The following EXOC6B variants were observed in gnomAD, a reference collection of about 807,000 sequenced individuals.
EXOC6B encodes the protein SEC15 homolog B.
EXOC6B carries 54 observed loss-of-function variants against 113.5 expected under a neutral mutation model. The ratio of observed to expected loss-of-function variants is 0.48; its 90% CI spans 0.38 to 0.60. The LOEUF is 0.60. EXOC6B is among the 20% of genes least tolerant of loss of function. The pLI is 0.00. For synonymous variants in EXOC6B, 357 were observed against 339.0 expected (o/e 1.05, Z -0.58); for missense variants, 797 against 977.5 (o/e 0.82, Z 2.46).
chr2:72,455,061 C>T (rs539661056), intron 18 of EXOC6B, among the ~76,000 whole-genome samples: 7 of 148,512 alleles, frequency 4.7e-5, no homozygotes, highest in South Asian at 2.1e-4. Flanking sequence ...TCAGGGAAAA[C>T]GAAAAAAAAA....
At chr2:72,392,657 A>G (rs1180583912) in intron 18 of EXOC6B, among the ~76,000 whole-genome samples, 1 of 152,204 alleles carries the variant, frequency 6.6e-6, no homozygotes, top group Non-Finnish European at 1.5e-5. Flanking sequence ...TGTGGCATAC[A>G]TTGCAGATAA....
At chr2:72,707,677 G>A (rs1678977929) in intron 6 of EXOC6B, among the ~76,000 whole-genome samples, 1 of 152,110 alleles carries the variant, frequency 6.6e-6, no homozygotes, top group Non-Finnish European at 1.5e-5. Context: ...CTCCCAAAGT[G>A]CTGGGATTAC....
At chr2:72,440,447 G>A (rs1696134078) in intron 18 of EXOC6B, among the ~76,000 whole-genome samples, 1 of 151,930 alleles carries the variant, frequency 6.6e-6, no homozygotes, top group Non-Finnish European at 1.5e-5. Flanking sequence ...ACTAAGTGAA[G>A]GAGAAATAAG....
chr2:72,724,542 A>G (rs1680194056), intron 5 of EXOC6B, among the ~76,000 whole-genome samples: 1 of 152,180 alleles, frequency 6.6e-6, no homozygotes, highest in Admixed American at 6.5e-5. Flanking sequence ...AATGTTCATT[A>G]ATCAATCAAA....
At chr2:72,336,291 T>C (rs1688686675) in intron 19 of EXOC6B, among the ~76,000 whole-genome samples, 1 of 152,204 alleles carries the variant, frequency 6.6e-6, no homozygotes, top group Admixed American at 6.5e-5. Context: ...GAAAATTACT[T>C]CCAACAACTA....
At chr2:72,386,732 C>T (rs1182818704) in intron 18 of EXOC6B, among the ~76,000 whole-genome samples, 1 of 152,036 alleles carries the variant, frequency 6.6e-6, no homozygotes, top group Admixed American at 6.6e-5. Flanking sequence ...CTGCTCTTGC[C>T]TAACACACAG....
chr2:72,359,772 T>G (rs907919298), intron 19 of EXOC6B, among the ~76,000 whole-genome samples: 5 of 152,274 alleles, frequency 3.3e-5, no homozygotes, highest in Non-Finnish European at 5.9e-5. Context: ...CGTTGAAACA[T>G]GATTCTCAAT....
intron 1 of EXOC6B, among the ~76,000 whole-genome samples, chr2:72,754,056 G>C (rs1458957008): frequency 6.6e-6 from 1 of 152,072 alleles, no homozygotes; most frequent in Non-Finnish European, 1.5e-5. Flanking sequence ...ACCATGCCTA[G>C]CTCATTTTTT....
At chr2:72,455,088 T>A (rs1697139151) in intron 18 of EXOC6B, among the ~76,000 whole-genome samples, 1 of 152,140 alleles carries the variant, frequency 6.6e-6, no homozygotes, top group Non-Finnish European at 1.5e-5. Flanking sequence ...GAATCTTGGA[T>A]CTACCTATGT....
chr2:72,688,096 G>A (rs1333607529), intron 6 of EXOC6B, among the ~76,000 whole-genome samples: 1 of 152,172 alleles, frequency 6.6e-6, no homozygotes, highest in East Asian at 1.9e-4. Context: ...TAGTATTAAA[G>A]GGAGGGAATG....
chr2:72,351,440 A>G (rs1689650192), intron 19 of EXOC6B, among the ~76,000 whole-genome samples: 1 of 152,188 alleles, frequency 6.6e-6, no homozygotes, highest in Non-Finnish European at 1.5e-5. Context: ...ACTTGTTTAC[A>G]AACACTGACT....
intron 6 of EXOC6B, among the ~76,000 whole-genome samples, chr2:72,712,863 T>G (rs1679360211): frequency 6.6e-6 from 1 of 152,172 alleles, no homozygotes; most frequent in South Asian, 2.1e-4. Context: ...TAAAGTTCTA[T>G]CTAAAGACCT....
intron 1 of EXOC6B, among the ~76,000 whole-genome samples, chr2:72,816,402 A>G (rs1686251766): frequency 6.6e-6 from 1 of 152,184 alleles, no homozygotes; most frequent in Admixed American, 6.5e-5. Context: ...TAACTAAAAA[A>G]CTAAGCTGCA....
chr2:72,211,782 G>A (rs1680209713), intron 20 of EXOC6B, among the ~76,000 whole-genome samples: 1 of 152,116 alleles, frequency 6.6e-6, no homozygotes, highest in Admixed American at 6.5e-5. Context: ...ATTTGTTTTT[G>A]TCAATCTTAG....
chr2:72,650,394 G>A (rs1056260312), intron 6 of EXOC6B, among the ~76,000 whole-genome samples: 1 of 152,174 alleles, frequency 6.6e-6, no homozygotes, highest in Non-Finnish European at 1.5e-5. Flanking sequence ...GAGGTCAGGA[G>A]ATCGAGACCA....
chr2:72,524,557 C>T (rs1701665465), intron 8 of EXOC6B, among the ~76,000 whole-genome samples: 1 of 151,788 alleles, frequency 6.6e-6, no homozygotes, highest in Non-Finnish European at 1.5e-5. Context: ...TACCCCAGAC[C>T]TTAAAATAAA....
At chr2:72,802,195 C>T (rs554466377) in intron 1 of EXOC6B, among the ~76,000 whole-genome samples, 164 of 151,906 alleles carry the variant, frequency 1.1e-3, no homozygotes, top group Non-Finnish European at 1.8e-3. Context: ...CATGGTGGCA[C>T]GTGCCTGTAA....
intron 8 of EXOC6B, among the ~76,000 whole-genome samples, chr2:72,550,752 G>C (rs1038222405): frequency 1.3e-5 from 2 of 151,982 alleles, no homozygotes; most frequent in African/African-American, 2.4e-5. Flanking sequence ...GTACAATTAA[G>C]AATATGTAAA....
At chr2:72,256,642 A>G (rs1683370256) in intron 20 of EXOC6B, among the ~76,000 whole-genome samples, 1 of 152,154 alleles carries the variant, frequency 6.6e-6, no homozygotes, top group South Asian at 2.1e-4. Flanking sequence ...ATCGTGTTGG[A>G]GACTTACTTA....
Sources: gnomAD v4.1 joint callset for allele counts (sites outside exome capture counted in the v4.1 genomes callset) on GRCh38, gnomAD v4.1.1 for gene constraint, MANE v1.5 for transcripts, NCBI Gene and HGNC (gene_info 2026-07-23, HGNC 2026-07-21) for gene names.